PCDHA7: variants seen among roughly 807,000 people sequenced by gnomAD.
PCDHA7 encodes the protein protocadherin alpha 7.
A neutral mutation model predicts 57.2 loss-of-function variants in PCDHA7; 37 were observed. The observed-to-expected ratio is 0.65, with a 90% confidence interval of 0.50 to 0.85. The LOEUF is 0.85. Among genes scored for constraint, PCDHA7 ranks in the 40% least tolerant of loss-of-function variants. The probability of loss-of-function intolerance (pLI) is 0.00; values close to 1 mark genes in which losing one functional copy is unlikely to be tolerated. For missense variants in PCDHA7, 1,188 were observed against 1,241.8 expected, an observed-to-expected ratio of 0.96 and a Z score of 0.65; for synonymous variants, 553 against 558.8, an observed-to-expected ratio of 0.99 and a Z score of 0.15.
chr5:140,950,107 A>G (rs1196740444), intron 1 of PCDHA7, among the ~76,000 whole-genome samples: 1 of 151,920 alleles, frequency 6.6e-6, no homozygotes, highest in Non-Finnish European at 1.5e-5. Context: ...ATTAAATCTC[A>G]TACAATACAA....
chr5:140,973,391 A>G (rs1466546487), intron 1 of PCDHA7, among the ~76,000 whole-genome samples: 1 of 152,232 alleles, frequency 6.6e-6, no homozygotes, highest in East Asian at 1.9e-4. Context: ...AGACAAAGAA[A>G]TCATATCTAT....
At chr5:140,926,740 A>G (rs1291119790) in intron 1 of PCDHA7, 2 of 1,186,206 alleles carry the variant, frequency 1.7e-6, no homozygotes, top group Non-Finnish European at 2.2e-6. Context: ...CGGGAGGCGC[A>G]ACGTCGGCGG....
chr5:140,842,557 C>T (rs200079412), intron 1 of PCDHA7: 4 of 1,596,448 alleles, frequency 2.5e-6, no homozygotes, highest in Non-Finnish European at 3.4e-6. Context: ...TGGACAGCGC[C>T]CTGGACCGCG....
At chr5:140,875,233 G>C in intron 1 of PCDHA7, 2 of 863,878 alleles carry the variant, frequency 2.3e-6, no homozygotes, top group Non-Finnish European at 3.3e-6. Context: ...GATCTTTCTT[G>C]TACTTACATA....
At chr5:140,926,183 C>A (rs1287609954) in intron 1 of PCDHA7, among the ~76,000 whole-genome samples, 2 of 151,712 alleles carry the variant, frequency 1.3e-5, no homozygotes, top group African/African-American at 4.8e-5. Context: ...GGAAAGCCCC[C>A]CGCAGCACTT....
At chr5:140,945,377 C>T (rs1183566005) in intron 1 of PCDHA7, among the ~76,000 whole-genome samples, 3 of 151,814 alleles carry the variant, frequency 2.0e-5, no homozygotes, top group African/African-American at 7.3e-5. Context: ...CCATATTACC[C>T]AAAGCAATAT....
intron 1 of PCDHA7, among the ~76,000 whole-genome samples, chr5:140,846,109 A>C (rs1780201260): frequency 6.7e-6 from 1 of 149,748 alleles, no homozygotes; most frequent in Non-Finnish European, 1.5e-5. Context: ...TGTGTAGACT[A>C]TCTTACTTTG....
chr5:140,846,375 T>C (rs1343413352), intron 1 of PCDHA7, among the ~76,000 whole-genome samples: 4 of 125,488 alleles, frequency 3.2e-5, no homozygotes, highest in African/African-American at 1.0e-4. Context: ...CTTTCTTTCT[T>C]TTTTTTTTTT....
rs201231291 is a variant in PCDHA7, at chr5:140,849,957, G to T, written c.2355+13219G>T. ...GCGGGACGCTGACGCGCAGGAGAAC[G>T]CCCTGGTGTCCTACTCGCTGGTGGA... On this transcript the variant is annotated intron_variant, in intron 1 of 3. Coordinates refer to ENST00000525929, the MANE Select transcript of PCDHA7 (RefSeq NM_018910.3). 28 of 1,597,916 alleles carry T rather than the reference G, an allele frequency of 1.8e-5. 1 individual carries two copies. The East Asian group carries it at 6.0e-4, about 34-fold the overall frequency.
rs782195215 is a variant in PCDHA7 at position 140,856,375 on chromosome 5, G to A, written c.2355+19637G>A. The stretch of plus-strand genomic sequence containing the variant: ...GCAGCATCCACCTGGAGGTGATCGT[G>A]GACAGGCCGCTGCAGGTTTTCCATG... On this transcript the variant is annotated intron_variant, in intron 1 of 3. Transcript: ENST00000525929. The A allele has an allele frequency of 1.9e-5, 30 of 1,598,518 alleles. 2 individuals are homozygous for A. The highest frequency in any genetic ancestry group is 2.5e-5 in the Non-Finnish European group (29 of 1,167,968).
At chr5:140,989,865 C>T (rs1209207256) in intron 3 of PCDHA7, among the ~76,000 whole-genome samples, 1 of 152,034 alleles carries the variant, frequency 6.6e-6, no homozygotes, top group Non-Finnish European at 1.5e-5. Flanking sequence ...AGGAATCTTT[C>T]TCTGCCTCAG....
intron 3 of PCDHA7, among the ~76,000 whole-genome samples, chr5:140,988,398 C>A (rs531157517): frequency 1.3e-5 from 2 of 152,238 alleles, no homozygotes; most frequent in Non-Finnish European, 2.9e-5. Context: ...TGCCAGAGTT[C>A]TCTTCGCAGC....
chr5:140,859,326 A>G (rs2045811679), intron 1 of PCDHA7: 1 of 227,460 alleles, frequency 4.4e-6, no homozygotes, highest in East Asian at 1.7e-4. Context: ...GTTTGAGGAG[A>G]AAATAAAATT....
intron 1 of PCDHA7, chr5:140,849,631 C>T (rs1420116436): frequency 1.3e-6 from 2 of 1,598,614 alleles, no homozygotes; most frequent in Admixed American, 1.7e-5. Context: ...GACCTAGACG[C>T]AGATGCCAAC....
chr5:140,940,450 A>G (rs1279490375), intron 1 of PCDHA7, among the ~76,000 whole-genome samples: 1 of 151,884 alleles, frequency 6.6e-6, no homozygotes, highest in Non-Finnish European at 1.5e-5. Flanking sequence ...GATATTTTTT[A>G]TAGGTTTCTG....
chr5:140,941,619 C>T (rs1300512502), intron 1 of PCDHA7, among the ~76,000 whole-genome samples: 1 of 151,848 alleles, frequency 6.6e-6, no homozygotes, highest in African/African-American at 2.4e-5. Flanking sequence ...CCAGCCCATC[C>T]TGCTTCTTAA....
At chr5:140,861,509 G>A (rs2046952597) in intron 1 of PCDHA7, 1 of 479,912 alleles carries the variant, frequency 2.1e-6, no homozygotes, top group Non-Finnish European at 4.3e-6. Context: ...ACCTCGAGGA[G>A]CTGTGTGGGA....
chr5:140,857,484 G>C (rs1044921765), intron 1 of PCDHA7: 1 of 1,598,418 alleles, frequency 6.3e-7, no homozygotes, highest in African/African-American at 1.3e-5. Flanking sequence ...GTGTCTGCGT[G>C]GGACGCGGAC....
intron 1 of PCDHA7, chr5:140,870,054 T>G (rs895309313): frequency 1.2e-6 from 2 of 1,613,676 alleles, no homozygotes; most frequent in Non-Finnish European, 8.5e-7. Context: ...TTTATAAAAT[T>G]GAAGTACAGG....
Sources: gnomAD v4.1 joint callset for allele counts (sites outside exome capture counted in the v4.1 genomes callset) on GRCh38, gnomAD v4.1.1 for gene constraint, MANE v1.5 for transcripts, NCBI Gene and HGNC (gene_info 2026-07-23, HGNC 2026-07-21) for gene names.